NT5DC1: variants seen among roughly 807,000 people sequenced by gnomAD.
NT5DC1 encodes 5'-nucleotidase domain-containing protein 1.
Under a neutral mutation model 59.4 loss-of-function variants are expected in NT5DC1, and 42 were observed. The ratio of observed to expected loss-of-function variants is 0.71; its 90% CI spans 0.55 to 0.92. The LOEUF (loss-of-function observed/expected upper bound fraction) is 0.92. Ranked by LOEUF, NT5DC1 falls within the 40% of genes least tolerant of loss-of-function variation. The pLI is 0.00. For missense variants in NT5DC1, 501 were observed against 537.1 expected, an observed-to-expected ratio of 0.93 and a Z score of 0.66; for synonymous variants, 172 against 188.1, an observed-to-expected ratio of 0.91 and a Z score of 0.70.
chr6:116,246,723 C>G lies in NT5DC1; in HGVS notation c.*2699C>G, dbSNP rs978585148. On this transcript the variant is annotated 3_prime_UTR_variant, in exon 12 of 12. Coordinates refer to ENST00000319550, the MANE Select transcript of NT5DC1 (RefSeq NM_152729.3). ...CATAAGAGTTAGTTCCAGATTGGTG[C>G]AAGACTGGAATACACTTGACTGCTT... The G allele has an allele frequency of 4.6e-5, 7 of 152,122 alleles. No individual in the cohort carries two copies. Among genetic ancestry groups the G allele is most frequent in the African/African-American group, 1.7e-4 (7 of 41,436 alleles). The allele number at this position is 152,122 out of a possible 1,614,324, so 9.4% of individuals were successfully genotyped here. A position where few individuals can be genotyped will look rare whatever the true frequency, so the allele number is the denominator to read the frequency against.
In NT5DC1 at chr6:116,244,132, T is replaced by G; in HGVS notation, c.*108T>G. 1 of 496,778 alleles carries G rather than the reference T, an allele frequency of 2.0e-6. No individual in the cohort carries two copies. The highest frequency in any genetic ancestry group is 3.6e-6 in the Non-Finnish European group (1 of 275,176). The allele number at this position is 496,778 out of a possible 1,614,324, so 30.8% of individuals were successfully genotyped here. A position where few individuals can be genotyped will look rare whatever the true frequency, so the allele number is the denominator to read the frequency against. Reference sequence around the variant, plus strand: ...TTAAGGAACAAGTTTTATTGACCAATAAGTTGATATTTGTCCATAGGTCTC... The same window carrying G: ...TTAAGGAACAAGTTTTATTGACCAAGAAGTTGATATTTGTCCATAGGTCTC... On this transcript the variant is annotated 3_prime_UTR_variant, in exon 12 of 12. Transcript: ENST00000319550.
At chr6:116,199,997 A>AGG (rs138305244) in intron 6 of NT5DC1, among the ~76,000 whole-genome samples, 8,553 of 118,784 alleles carry the variant, frequency 0.072, 384 homozygotes, top group African/African-American at 0.11. Flanking sequence ...CAGTATGGAA[A>AGG]GTGGGGGGGG....
In NT5DC1 at chr6:116,145,318, A is replaced by G. The variant is rs555566343; in HGVS notation, c.529+27373A>G. 34 of 217,706 alleles carry G rather than the reference A, an allele frequency of 1.6e-4. 1 individual carries two copies. Among genetic ancestry groups the G allele is most frequent in the Non-Finnish European group, 3.0e-4 (29 of 96,454 alleles). The allele number at this position is 217,706 out of a possible 1,614,324, so 13.5% of individuals were successfully genotyped here. Reference sequence around the variant, plus strand: ...CCCTTATCATACGTTTTGTCAGAGCATAAGATCTGAGTTCAGTAACTCTAT... The same window carrying G: ...CCCTTATCATACGTTTTGTCAGAGCGTAAGATCTGAGTTCAGTAACTCTAT... On this transcript the variant is annotated intron_variant, in intron 6 of 11. Transcript: ENST00000319550.
intron 8 of NT5DC1, among the ~76,000 whole-genome samples, chr6:116,229,576 A>G (rs1039704684): frequency 6.6e-6 from 1 of 152,086 alleles, no homozygotes; most frequent in Non-Finnish European, 1.5e-5. Context: ...TCCAAGCAAA[A>G]TCTTCATCCT....
chr6:116,146,546 CA>C (rs1358559094), intron 6 of NT5DC1, among the ~76,000 whole-genome samples: 19 of 152,112 alleles, frequency 1.2e-4, no homozygotes, highest in East Asian at 7.7e-4. Context: ...AAGTATGTGC[CA>C]GGGGGAAGAG....
intron 6 of NT5DC1, among the ~76,000 whole-genome samples, chr6:116,152,366 T>C (rs1780064283): frequency 6.6e-6 from 1 of 152,178 alleles, no homozygotes. Flanking sequence ...CCTCTGCTTT[T>C]CACCGTGAGG....
At chr6:116,207,464 A>C (rs1781481057) in intron 6 of NT5DC1, among the ~76,000 whole-genome samples, 1 of 151,932 alleles carries the variant, frequency 6.6e-6, no homozygotes, top group Admixed American at 6.6e-5. Flanking sequence ...CTTATTTTTC[A>C]GATTTTTTTT....
intron 6 of NT5DC1, chr6:116,145,469 T>C (rs1260873285): frequency 2.6e-6 from 1 of 385,604 alleles, no homozygotes. Context: ...TGCTTCAGGA[T>C]ATATCTACAA....
intron 11 of NT5DC1, among the ~76,000 whole-genome samples, chr6:116,239,505 T>C (rs538428355): frequency 1.3e-5 from 2 of 152,246 alleles, no homozygotes; most frequent in African/African-American, 2.4e-5. Flanking sequence ...TCTACAGGAA[T>C]AGGAACTGGA....
At chr6:116,129,970 C>CTTTA (rs1383379575) in intron 6 of NT5DC1, among the ~76,000 whole-genome samples, 2 of 152,098 alleles carry the variant, frequency 1.3e-5, no homozygotes, top group African/African-American at 4.8e-5. Flanking sequence ...GGCAAGAACC[C>CTTTA]TTTACAGAGA....
At chr6:116,151,034 T>C (rs1381557125) in intron 6 of NT5DC1, among the ~76,000 whole-genome samples, 1 of 152,210 alleles carries the variant, frequency 6.6e-6, no homozygotes, top group African/African-American at 2.4e-5. Flanking sequence ...TAAAATGTTA[T>C]CTCATTGATA....
At chr6:116,147,662 T>C (rs1779932512) in intron 6 of NT5DC1, among the ~76,000 whole-genome samples, 2 of 152,138 alleles carry the variant, frequency 1.3e-5, no homozygotes, top group African/African-American at 4.8e-5. Flanking sequence ...AAATTGCAAA[T>C]AGAAACTGTT....
intron 6 of NT5DC1, among the ~76,000 whole-genome samples, chr6:116,181,281 A>G (rs1413850968): frequency 6.6e-6 from 1 of 152,068 alleles, no homozygotes; most frequent in Non-Finnish European, 1.5e-5. Flanking sequence ...ATAAGAATAC[A>G]ATGTAATATA....
intron 6 of NT5DC1, chr6:116,125,579 A>G: frequency 1.4e-6 from 2 of 1,389,934 alleles, no homozygotes; most frequent in Non-Finnish European, 2.0e-6. Context: ...TGTTTCACAG[A>G]TGAGTTCTTT....
At chr6:116,118,010 G>A (rs1284915265) in intron 6 of NT5DC1, 65 bp downstream of exon 6, 3 of 834,932 alleles carry the variant, frequency 3.6e-6, no homozygotes, top group Non-Finnish European at 6.3e-6. Flanking sequence ...TAGTGAATTA[G>A]CTGAAAAGTA....
rs1442996734 is a variant in NT5DC1, at chr6:116,238,309, TGAG to T, written c.1048_1050del (p.Glu350del). The stretch of plus-strand genomic sequence containing the variant: ...ATGAAGGCACGAGGAGTCAGAGGCC[TGAG>T]GAGTCAGAGCCTCTAGAGAAGAAAG... On this transcript the variant is annotated inframe_deletion, in exon 10 of 12. Coordinates refer to ENST00000319550, the MANE Select transcript of NT5DC1 (RefSeq NM_152729.3). 58 of 1,612,752 alleles carry T rather than the reference TGAG, an allele frequency of 3.6e-5. No individual in the cohort carries two copies. The highest frequency in any genetic ancestry group is 4.9e-5 in the Non-Finnish European group (58 of 1,179,312).
rs1779117627 is a variant in NT5DC1 at position 116,121,349 on chromosome 6, C to T, written c.529+3404C>T. ...TCCAATGCCTTCTGGCCCTCGTTCC[C>T]CAGGAGGGCCTTGGGGACCTGGTGG... is the stretch of plus-strand genomic sequence containing the variant. On this transcript the variant is annotated intron_variant, in intron 6 of 11. Coordinates refer to ENST00000319550, the MANE Select transcript of NT5DC1 (RefSeq NM_152729.3). 2.5e-6 allele frequency: 4 copies of T among 1,614,078 alleles called. No individual in the cohort carries two copies. The highest frequency in any genetic ancestry group is 2.5e-6 in the Non-Finnish European group (3 of 1,179,988).
chr6:116,130,457 T>TA (rs397886323), intron 6 of NT5DC1, among the ~76,000 whole-genome samples: 1 of 152,034 alleles, frequency 6.6e-6, no homozygotes. Flanking sequence ...TAGTTTTTTT[T>TA]ATAGCTTCTT....
At chr6:116,192,865 A>G (rs562963241) in intron 6 of NT5DC1, among the ~76,000 whole-genome samples, 4 of 152,030 alleles carry the variant, frequency 2.6e-5, no homozygotes, top group African/African-American at 4.8e-5. Flanking sequence ...TCTAGTCTCA[A>G]CTTCCCCTGC....
Sources: allele counts gnomAD v4.1 joint callset (sites outside exome capture counted in the v4.1 genomes callset), GRCh38; gene constraint gnomAD v4.1.1; transcripts MANE v1.5; gene names NCBI Gene and HGNC (gene_info 2026-07-23, HGNC 2026-07-21).